Variants in VAV3 observed in about 807,000 individuals in gnomAD.
The protein encoded by VAV3 is vav guanine nucleotide exchange factor 3.
In VAV3, 94 loss-of-function variants were observed where a neutral mutation model predicts 131.2. That is an observed-to-expected ratio of 0.72 (90% CI 0.61 to 0.85). The LOEUF (loss-of-function observed/expected upper bound fraction) is 0.85. Ranked by LOEUF, VAV3 falls within the 40% of genes least tolerant of loss-of-function variation. The pLI is 0.00. For synonymous variants in VAV3, 349 were observed against 342.0 expected (o/e 1.02, Z -0.22); for missense variants, 939 against 1,002.7 (o/e 0.94, Z 0.86).
At chr1:107,835,166 C>T (rs533944552) in intron 2 of VAV3, among the ~76,000 whole-genome samples, 2 of 152,272 alleles carry the variant, frequency 1.3e-5, no homozygotes, top group East Asian at 3.9e-4. Context: ...CTCCCCTGTC[C>T]ACCAGCCGCT....
intron 15 of VAV3, among the ~76,000 whole-genome samples, chr1:107,739,465 T>C (rs1662878579): frequency 6.6e-6 from 1 of 152,142 alleles, no homozygotes; most frequent in African/African-American, 2.4e-5. Context: ...CAGGGAGAGT[T>C]GAGCTGGCTT....
chr1:107,896,991 G>A (rs963498154), intron 1 of VAV3, among the ~76,000 whole-genome samples: 10 of 151,908 alleles, frequency 6.6e-5, no homozygotes, highest in African/African-American at 2.4e-4. Flanking sequence ...CAGATAGAAG[G>A]GTGAGAAAAA....
At chr1:107,707,351 T>G (rs191323028) in intron 15 of VAV3, among the ~76,000 whole-genome samples, 16 of 152,286 alleles carry the variant, frequency 1.1e-4, no homozygotes, top group African/African-American at 3.6e-4. Flanking sequence ...TGCAAATCAG[T>G]AGCAGCGTGA....
In VAV3 at chr1:107,574,173, A is replaced by G; in HGVS notation, c.2376T>C (p.Ile792=). ...CACAGAAGTCATACCGAGCGATGGC[A>G]ATGCCCAGCACTTTTGGACTTAACA... ...NSLLSPKVLG[I]AIARYDFCAR... The change falls in exon 26 of 27, where the codon ATT becomes ATC. Residue 792 remains isoleucine, a synonymous_variant. Transcript: ENST00000370056. The G allele has an allele frequency of 6.2e-7, 1 of 1,613,926 alleles. No homozygotes were observed. The highest frequency in any genetic ancestry group is 8.5e-7 in the Non-Finnish European group (1 of 1,179,948).
intron 1 of VAV3, among the ~76,000 whole-genome samples, chr1:107,942,513 T>C (rs1674048889): frequency 1.3e-5 from 2 of 152,206 alleles, no homozygotes; most frequent in African/African-American, 4.8e-5. Flanking sequence ...CACTTTCTAA[T>C]TGGTAATCAT....
At chr1:107,934,592 T>A (rs1414320496) in intron 1 of VAV3, among the ~76,000 whole-genome samples, 1 of 152,178 alleles carries the variant, frequency 6.6e-6, no homozygotes. Flanking sequence ...AGTATAGTTC[T>A]AACCAAAAAA....
At chr1:107,918,672 A>C (rs1051274471) in intron 1 of VAV3, among the ~76,000 whole-genome samples, 1 of 147,898 alleles carries the variant, frequency 6.8e-6, no homozygotes, top group Non-Finnish European at 1.5e-5. Flanking sequence ...GCATATATAT[A>C]TATATTTTTA....
At chr1:107,806,075 T>C (rs1389833688) in intron 2 of VAV3, among the ~76,000 whole-genome samples, 1 of 152,108 alleles carries the variant, frequency 6.6e-6, no homozygotes, top group African/African-American at 2.4e-5. Context: ...CAAAGCAGAG[T>C]TTCCAGGGCT....
At chr1:107,596,095 C>T (rs1651358180) in intron 25 of VAV3, 117 bp downstream of exon 25, 3 of 1,352,908 alleles carry the variant, frequency 2.2e-6, no homozygotes, top group African/African-American at 2.9e-5. Flanking sequence ...GAAGTCCTTG[C>T]TCATGCATTA....
At chr1:107,754,972 G>T (rs1477793251) in intron 12 of VAV3, among the ~76,000 whole-genome samples, 1 of 151,952 alleles carries the variant, frequency 6.6e-6, no homozygotes, top group Non-Finnish European at 1.5e-5. Flanking sequence ...TCTCAATATG[G>T]CATTTTTAAC....
intron 1 of VAV3, among the ~76,000 whole-genome samples, chr1:107,891,990 T>C (rs1671332223): frequency 6.6e-6 from 1 of 152,188 alleles, no homozygotes; most frequent in South Asian, 2.1e-4. Flanking sequence ...CCTTACAGGA[T>C]AGTATTTAGT....
intron 1 of VAV3, among the ~76,000 whole-genome samples, chr1:107,890,972 G>GT (rs948720701): frequency 1.0e-4 from 15 of 149,686 alleles, no homozygotes; most frequent in African/African-American, 1.5e-4. Flanking sequence ...TATTATTTTG[G>GT]TTTTTTTAAT....
chr1:107,576,183 G>T (rs566576044), intron 25 of VAV3, among the ~76,000 whole-genome samples: 13 of 151,902 alleles, frequency 8.6e-5, no homozygotes, highest in Non-Finnish European at 1.8e-4. Context: ...ATGTCTCATG[G>T]CATGAGCACA....
At position 107,683,516 on chromosome 1, in the gene VAV3, C is replaced by T; in HGVS notation, c.1749G>A (p.Leu583=). The change falls in exon 19 of 27, where the codon CTG becomes CTA. Residue 583 remains leucine, a synonymous_variant. Transcript: ENST00000370056. The stretch of plus-strand genomic sequence containing the variant: ...GATCCACCTGTTTAGGAGTTCTTCG[C>T]AGTCCATTGGTCCGTTTCTGTGCAG... ...LKLPEKRTNG[L]RRTPKQVDPG... The T allele has an allele frequency of 6.2e-7, 1 of 1,614,018 alleles. No individual in the cohort carries two copies. Among genetic ancestry groups the T allele is most frequent in the Non-Finnish European group, 8.5e-7 (1 of 1,179,890 alleles).
At chr1:107,631,828 T>C (rs960898527) in intron 20 of VAV3, among the ~76,000 whole-genome samples, 1 of 152,084 alleles carries the variant, frequency 6.6e-6, no homozygotes, top group African/African-American at 2.4e-5. Flanking sequence ...TATGGCTGCA[T>C]AGTATTTCAT....
chr1:107,729,518 A>C (rs1662087449), intron 15 of VAV3, among the ~76,000 whole-genome samples: 1 of 152,214 alleles, frequency 6.6e-6, no homozygotes. Context: ...AACTCTCTAA[A>C]GAAAAGAATG....
At chr1:107,916,855 T>G (rs920879315) in intron 1 of VAV3, among the ~76,000 whole-genome samples, 4 of 152,112 alleles carry the variant, frequency 2.6e-5, no homozygotes, top group African/African-American at 9.7e-5. Context: ...AGAAACATCA[T>G]GGACAGCAAG....
intron 15 of VAV3, among the ~76,000 whole-genome samples, chr1:107,711,413 T>A (rs977868954): frequency 6.6e-5 from 10 of 151,924 alleles, no homozygotes; most frequent in African/African-American, 2.2e-4. Context: ...ATAAATCACA[T>A]TTTTTTTAAG....
chr1:107,649,906 G>T (rs1457001994), intron 19 of VAV3, among the ~76,000 whole-genome samples: 1 of 151,992 alleles, frequency 6.6e-6, no homozygotes, highest in Non-Finnish European at 1.5e-5. Context: ...AAAAGCAAGT[G>T]AATCAATGTA....
Sources: gnomAD v4.1 joint callset for allele counts (sites outside exome capture counted in the v4.1 genomes callset) on GRCh38, gnomAD v4.1.1 for gene constraint, MANE v1.5 for transcripts, NCBI Gene and HGNC (gene_info 2026-07-23, HGNC 2026-07-21) for gene names.